EPHA3: variants seen among roughly 807,000 people sequenced by gnomAD.
The protein encoded by EPHA3 is EPH receptor A3, also known as ephrin type-A receptor 3.
A neutral mutation model predicts 107.1 loss-of-function variants in EPHA3; 42 were observed. The observed-to-expected ratio is 0.39, with a 90% CI of 0.31 to 0.51. The LOEUF is 0.51. Among genes scored for constraint, EPHA3 ranks in the 20% least tolerant of loss-of-function variants. EPHA3 has a pLI of 0.78. For missense variants in EPHA3, 1,183 were observed against 1,211.2 expected, an observed-to-expected ratio of 0.98 and a Z score of 0.35; for synonymous variants, 461 against 424.8, an observed-to-expected ratio of 1.09 and a Z score of -1.05.
intron 3 of EPHA3, among the ~76,000 whole-genome samples, chr3:89,275,680 C>A (rs780675474): frequency 2.0e-5 from 3 of 152,056 alleles, no homozygotes; most frequent in African/African-American, 2.4e-5. Context: ...ATATTTTCCA[C>A]AAGTGATAGC....
At chr3:89,327,796 T>C (rs1194457227) in intron 3 of EPHA3, among the ~76,000 whole-genome samples, 2 of 152,000 alleles carry the variant, frequency 1.3e-5, no homozygotes, top group African/African-American at 4.8e-5. Context: ...TACGGACACA[T>C]AGTAGGGCGT....
chr3:89,309,397 C>T (rs769369215), intron 3 of EPHA3, among the ~76,000 whole-genome samples: 1 of 152,072 alleles, frequency 6.6e-6, no homozygotes, highest in Non-Finnish European at 1.5e-5. Flanking sequence ...AAGAGATTAA[C>T]AAATGTGAGA....
intron 13 of EPHA3, among the ~76,000 whole-genome samples, chr3:89,442,161 A>G (rs753697243): frequency 1.3e-5 from 2 of 152,170 alleles, no homozygotes; most frequent in Non-Finnish European, 2.9e-5. Flanking sequence ...AAAGGAAGGA[A>G]GATAGGAAAA....
Position 89,222,342 on chromosome 3 carries a change from T to C in EPHA3, c.814+11822T>C, listed in dbSNP as rs1241254297. Among the ~76,000 whole-genome samples the C allele has an allele frequency of 1.6e-3, 239 of 146,948 alleles. 1 individual carries two copies. The highest frequency in any genetic ancestry group is 3.6e-3 in the Middle Eastern group (1 of 280). ...ATACATATACATATATATATATATA[T>C]ATATATATATATGTATATGTATATG... On this transcript the variant is annotated intron_variant, in intron 3 of 16. Transcript: ENST00000336596.
At chr3:89,256,706 A>G (rs1179123921) in intron 3 of EPHA3, among the ~76,000 whole-genome samples, 4 of 152,236 alleles carry the variant, frequency 2.6e-5, no homozygotes, top group African/African-American at 9.6e-5. Flanking sequence ...TCAAGCCCAG[A>G]GTCTTGCTGA....
At chr3:89,288,381 A>G (rs1350480494) in intron 3 of EPHA3, among the ~76,000 whole-genome samples, 1 of 152,176 alleles carries the variant, frequency 6.6e-6, no homozygotes, top group African/African-American at 2.4e-5. Context: ...GATGCTGTAT[A>G]ATGTTGACAT....
rs531292684 is a variant in EPHA3, at chr3:89,410,262, T to C, written c.1762+2131T>C. On this transcript the variant is annotated intron_variant, in intron 9 of 16. Transcript: ENST00000336596. ...TAGGATTCATTTTATTTGGGAATGG[T>C]TATTTAATTTTCAAATTATTTAGTA... Among the ~76,000 whole-genome samples, 44 of 152,172 alleles carry C rather than the reference T, an allele frequency of 2.9e-4. 1 individual carries two copies. In the South Asian group the frequency reaches 9.1e-3, roughly 32 times the overall value.
intron 1 of EPHA3, among the ~76,000 whole-genome samples, chr3:89,108,601 G>A (rs62274613): frequency 0.11 from 16,419 of 152,194 alleles, 1,017 homozygotes; most frequent in Non-Finnish European, 0.14. Context: ...TTCATATGCA[G>A]CAAATGGCAT....
intron 5 of EPHA3, among the ~76,000 whole-genome samples, chr3:89,361,287 G>C (rs562820721): frequency 6.6e-6 from 1 of 150,902 alleles, no homozygotes; most frequent in Admixed American, 6.7e-5. Context: ...CTTTTTAAAG[G>C]GTGTCATGTG....
intron 2 of EPHA3, among the ~76,000 whole-genome samples, chr3:89,166,086 G>T (rs1377790865): frequency 1.3e-5 from 2 of 152,134 alleles, no homozygotes; most frequent in African/African-American, 4.8e-5. Context: ...CAGATTCCCG[G>T]CTCTTCACTG....
intron 2 of EPHA3, among the ~76,000 whole-genome samples, chr3:89,204,295 G>C (rs2107168640): frequency 6.6e-6 from 1 of 152,154 alleles, no homozygotes; most frequent in Middle Eastern, 3.4e-3. Flanking sequence ...AGGTGGTTGG[G>C]TATGAATAGT....
intron 5 of EPHA3, among the ~76,000 whole-genome samples, chr3:89,391,090 A>G (rs1465093844): frequency 6.6e-6 from 1 of 151,996 alleles, no homozygotes; most frequent in Non-Finnish European, 1.5e-5. Context: ...CTGGCCTGAA[A>G]AGCACTTTTA....
At chr3:89,375,281 A>G (rs1344917478) in intron 5 of EPHA3, among the ~76,000 whole-genome samples, 2 of 151,852 alleles carry the variant, frequency 1.3e-5, no homozygotes, top group African/African-American at 2.4e-5. Flanking sequence ...AGTATTTACA[A>G]TGATGCAAGG....
chr3:89,324,396 C>T (rs1469323740), intron 3 of EPHA3, among the ~76,000 whole-genome samples: 2 of 151,942 alleles, frequency 1.3e-5, no homozygotes, highest in Non-Finnish European at 2.9e-5. Context: ...GTCTCATCCT[C>T]CTGAACTCAA....
chr3:89,281,319 C>A (rs905011605), intron 3 of EPHA3, among the ~76,000 whole-genome samples: 1 of 152,132 alleles, frequency 6.6e-6, no homozygotes, highest in Non-Finnish European at 1.5e-5. Context: ...GCCACCACAC[C>A]GGGCCTCTCA....
intron 2 of EPHA3, among the ~76,000 whole-genome samples, chr3:89,154,279 T>A (rs1302061807): frequency 6.6e-6 from 1 of 151,594 alleles, no homozygotes; most frequent in African/African-American, 2.4e-5. Flanking sequence ...TGTTTTTTTT[T>A]TTTTTTATTT....
chr3:89,376,472 C>T (rs1219314872), intron 5 of EPHA3, among the ~76,000 whole-genome samples: 1 of 151,704 alleles, frequency 6.6e-6, no homozygotes, highest in Non-Finnish European at 1.5e-5. Context: ...TTTTGCTTTC[C>T]TCAGTTTTCT....
At chr3:89,278,580 C>A (rs1264130345) in intron 3 of EPHA3, among the ~76,000 whole-genome samples, 2 of 152,038 alleles carry the variant, frequency 1.3e-5, no homozygotes, top group South Asian at 2.1e-4. Context: ...ATCTTGTGGA[C>A]TTCATGCGCA....
At chr3:89,172,026 A>C (rs1576202735) in intron 2 of EPHA3, among the ~76,000 whole-genome samples, 1 of 151,844 alleles carries the variant, frequency 6.6e-6, no homozygotes, top group Admixed American at 6.6e-5. Flanking sequence ...TTCGTAACCA[A>C]CCGCCCCTTC....
Sources: allele counts gnomAD v4.1 joint callset (sites outside exome capture counted in the v4.1 genomes callset), GRCh38; gene constraint gnomAD v4.1.1; transcripts MANE v1.5; gene names NCBI Gene and HGNC (gene_info 2026-07-23, HGNC 2026-07-21).